ZNF783: variants seen among roughly 807,000 people sequenced by gnomAD.
The protein encoded by ZNF783 is zinc finger protein 783.
Under a neutral mutation model 31.3 loss-of-function variants are expected in ZNF783, and 25 were observed. The ratio of observed to expected loss-of-function variants is 0.80; its 90% CI spans 0.58 to 1.11. The LOEUF is 1.11. Among genes scored for constraint, ZNF783 ranks in the 50% most tolerant of loss-of-function variants. ZNF783 has a pLI of 0.00. For synonymous variants in ZNF783, 369 were observed against 319.1 expected (o/e 1.16, Z -1.66); for missense variants, 797 against 760.0 (o/e 1.05, Z -0.57).
At chr7:149,272,639 G>A (rs1021641058) in intron 4 of ZNF783, among the ~76,000 whole-genome samples, 1 of 151,786 alleles carries the variant, frequency 6.6e-6, no homozygotes, top group African/African-American at 2.4e-5. Flanking sequence ...ATATTTATGG[G>A]GTACATGAGA....
Position 149,267,235 on chromosome 7 carries a change from G to A in ZNF783, c.673+13G>A. The A allele has an allele frequency of 6.4e-6, 10 of 1,572,382 alleles. No individual in the cohort carries two copies. The highest frequency in any genetic ancestry group is 8.6e-6 in the Non-Finnish European group (10 of 1,167,894). ...ATGATGGGCACTGGTAAGTATAGGA[G>A]CCAGATGTGGTTGGGGGGCCGCCAG... On this transcript the variant is annotated intron_variant, in intron 4 of 5. Transcript: ENST00000434415.
intron 4 of ZNF783, chr7:149,276,300 T>A: frequency 3.1e-6 from 3 of 976,146 alleles, no homozygotes; most frequent in Non-Finnish European, 3.7e-6. Flanking sequence ...CACCACCTTG[T>A]GATGCTTGGG....
In ZNF783 at chr7:149,266,203, C is replaced by CA. The variant is rs924245799; in HGVS notation, c.25-131dup. 2.3e-5 allele frequency: 24 copies of CA among 1,057,752 alleles called. No homozygotes were observed. In the African/African-American group the frequency reaches 3.4e-4, roughly 15 times the overall value. The allele number at this position is 1,057,752 out of a possible 1,614,324, so 65.5% of individuals were successfully genotyped here. On this transcript the variant is annotated intron_variant, in intron 1 of 5. Transcript: ENST00000434415. ...TACCCTAGCCTCTCCCTCTCCCCCC[C>CA]AGTCTGCTGCTAACTCAGGAGCCCA...
At chr7:149,266,201 C>A (rs144527686) in intron 1 of ZNF783, 134 bp from the exon 2 acceptor site, 24 of 1,050,138 alleles carry the variant, frequency 2.3e-5, no homozygotes, top group Admixed American at 8.9e-5. Context: ...CCCTCTCCCC[C>A]CCAGTCTGCT....
At position 149,267,167 on chromosome 7, in the gene ZNF783, G is replaced by C. The variant is rs779529098; in HGVS notation, c.618G>C (p.Trp206Cys). Residue 206 changes from tryptophan (W) to cysteine (C), a missense_variant, in exon 4 of 6, where the codon TGG (tryptophan) becomes TGC (cysteine). Trp to Cys is a radical substitution (Grantham distance 215). Coordinates refer to ENST00000434415, the MANE Select transcript of ZNF783 (RefSeq NM_001195220.2). ...GAGAGGAGCCTTGTCTTGACCGGTG[G>C]GGCCAGGAGAAGGGGAATGAAGTAG... ...ERGEEPCLDRWGQEKGNEVEV... is the reference protein window; with the variant it reads ...ERGEEPCLDRCGQEKGNEVEV... The C allele has an allele frequency of 1.3e-6, 2 of 1,599,388 alleles. No individual in the cohort carries two copies. The highest frequency in any genetic ancestry group is 3.3e-5 in the Admixed American group (2 of 59,986).
intron 4 of ZNF783, among the ~76,000 whole-genome samples, chr7:149,269,752 G>A (rs187402060): frequency 9.9e-5 from 15 of 152,148 alleles, no homozygotes; most frequent in African/African-American, 3.6e-4. Context: ...CATGTGCCAT[G>A]TTGGTGTGCT....
intron 4 of ZNF783, among the ~76,000 whole-genome samples, 195 bp downstream of exon 4, chr7:149,267,417 T>C (rs1198497509): frequency 5.9e-5 from 9 of 152,212 alleles, no homozygotes; most frequent in Non-Finnish European, 1.3e-4. Context: ...TTTCTATATC[T>C]GTCTAAGGTG....
chr7:149,277,827 G>A (rs1293863044), intron 4 of ZNF783: 1 of 152,194 alleles, frequency 6.6e-6, no homozygotes, highest in Non-Finnish European at 1.5e-5. Context: ...TTTACCATTT[G>A]AAAGTCTTGC....
chr7:149,263,029 A>C (rs1319785173), intron 1 of ZNF783, among the ~76,000 whole-genome samples: 1 of 152,014 alleles, frequency 6.6e-6, no homozygotes, highest in African/African-American at 2.4e-5. Flanking sequence ...CCCGGCTTCA[A>C]GGGATTCTCC....
intron 4 of ZNF783, among the ~76,000 whole-genome samples, chr7:149,271,782 T>G (rs1585613209): frequency 6.6e-6 from 1 of 152,232 alleles, no homozygotes; most frequent in African/African-American, 2.4e-5. Context: ...AGAGATATAT[T>G]TGTATTCCCA....
intron 4 of ZNF783, among the ~76,000 whole-genome samples, chr7:149,272,058 C>G (rs988330113): frequency 3.9e-5 from 6 of 152,050 alleles, no homozygotes; most frequent in Admixed American, 3.9e-4. Flanking sequence ...CACTCTGTTG[C>G]CCAGGCTGGA....
At chr7:149,271,775 G>T (rs1296939657) in intron 4 of ZNF783, among the ~76,000 whole-genome samples, 1 of 152,124 alleles carries the variant, frequency 6.6e-6, no homozygotes, top group African/African-American at 2.4e-5. Context: ...ATAACACAGA[G>T]ATATATTTGT....
intron 4 of ZNF783, 27 bp from the exon 5 acceptor site, chr7:149,278,372 T>C: frequency 6.3e-7 from 1 of 1,598,630 alleles, no homozygotes; most frequent in South Asian, 1.1e-5. Flanking sequence ...CATGTTGTGC[T>C]CAATGTCACT....
chr7:149,271,348 C>A (rs1024134723), intron 4 of ZNF783, among the ~76,000 whole-genome samples: 13 of 152,228 alleles, frequency 8.5e-5, no homozygotes, highest in African/African-American at 2.4e-4. Context: ...CCTACCACTT[C>A]ATTATCCTAT....
At chr7:149,271,608 G>T (rs909830703) in intron 4 of ZNF783, among the ~76,000 whole-genome samples, 5 of 150,118 alleles carry the variant, frequency 3.3e-5, no homozygotes, top group African/African-American at 4.8e-5. Flanking sequence ...TTTGGTTTTT[G>T]ATTTAACTTA....
rs569022699 is a variant in ZNF783, at chr7:149,281,080, TG to T, written c.803-420del. On this transcript the variant is annotated intron_variant, in intron 5 of 5. Transcript: ENST00000434415. ...TCCACAGAGGCCTCTTAGGGTGGTC[TG>T]GGGGCATGCAGGGCCCCTGGGGTTC... 1.1e-3 allele frequency among the ~76,000 whole-genome samples: 167 copies of T among 152,324 alleles called. 1 individual carries two copies. Among genetic ancestry groups the T allele is most frequent in the South Asian group, 1.9e-3 (9 of 4,834 alleles).
intron 4 of ZNF783, among the ~76,000 whole-genome samples, chr7:149,270,667 A>G (rs1412502707): frequency 6.6e-6 from 1 of 152,076 alleles, no homozygotes; most frequent in African/African-American, 2.4e-5. Context: ...CCTCTTTTTT[A>G]AGTTGGCCCA....
Position 149,282,147 on chromosome 7 carries a change from TC to T in ZNF783, c.1447del (p.Arg483GlyfsTer82). On this transcript the variant is annotated frameshift_variant, in exon 6 of 6. Transcript: ENST00000434415. LOFTEE classifies it low-confidence loss of function (END_TRUNC). The stretch of plus-strand genomic sequence containing the variant: ...GCCTTCCGCCGGCCCTCGGACCTCT[TC>T]CGGCACCAGCGCATCCACACCGGTG... Reference protein sequence around the residue: ...GKAFRRPSDLFRHQRIHTGER... With the variant: ...GKAFRRPSDLXRHQRIHTGER... 1 of 1,600,492 alleles carries T rather than the reference TC, an allele frequency of 6.2e-7. No homozygotes were observed. Among genetic ancestry groups the T allele is most frequent in the Middle Eastern group, 1.7e-4 (1 of 6,058 alleles).
Position 149,278,514 on chromosome 7 carries a change from C to A in ZNF783, c.789C>A (p.Ala263=). 6.3e-7 allele frequency: 1 copy of A among 1,599,258 alleles called. No individual in the cohort carries two copies. Among genetic ancestry groups the A allele is most frequent in the Non-Finnish European group, 8.5e-7 (1 of 1,179,748 alleles). ...ACTCAGAGGCGAGAGTGGCCCCAGC[C>A]GGGCCAGAAGCAGGTGAGTGAGGAC... ...QQDSEARVAP[A]GPEAGGGVAI... is the part of the protein sequence containing the mutation. The change falls in exon 5 of 6, where the codon GCC becomes GCA. Residue 263 remains alanine, a synonymous_variant. Coordinates refer to ENST00000434415, the MANE Select transcript of ZNF783 (RefSeq NM_001195220.2).
Sources: gnomAD v4.1 joint callset for allele counts (sites outside exome capture counted in the v4.1 genomes callset) on GRCh38, gnomAD v4.1.1 for gene constraint, MANE v1.5 for transcripts, NCBI Gene and HGNC (gene_info 2026-07-23, HGNC 2026-07-21) for gene names.